The following CORO2B variants were observed in gnomAD, a reference collection of about 807,000 sequenced individuals.
The protein encoded by CORO2B is coronin 2B.
In CORO2B, 26 loss-of-function variants were observed where a neutral mutation model predicts 58.8. The ratio of observed to expected loss-of-function variants is 0.44; its 90% CI spans 0.32 to 0.61. CORO2B has a LOEUF of 0.61. Among genes scored for constraint, CORO2B ranks in the 20% least tolerant of loss-of-function variants. The probability of loss-of-function intolerance (pLI) is 0.04; values close to 1 mark genes in which losing one functional copy is unlikely to be tolerated. For missense variants in CORO2B, 460 were observed against 645.1 expected (o/e 0.71, Z 3.11); for synonymous variants, 242 against 253.8 (o/e 0.95, Z 0.44).
chr15:68,701,517 G>A (rs1230236886), intron 3 of CORO2B, among the ~76,000 whole-genome samples: 2 of 94,786 alleles, frequency 2.1e-5, no homozygotes, highest in Non-Finnish European at 3.9e-5. Context: ...ACGGAGTTTC[G>A]CTCTGTCGCC....
At chr15:68,657,995 C>T (rs955019273) in intron 2 of CORO2B, among the ~76,000 whole-genome samples, 1 of 152,226 alleles carries the variant, frequency 6.6e-6, no homozygotes, top group Non-Finnish European at 1.5e-5. Context: ...TAGACCTGAG[C>T]ACCCTTCACT....
chr15:68,605,814 T>C (rs1900104519), intron 1 of CORO2B, among the ~76,000 whole-genome samples: 1 of 135,484 alleles, frequency 7.4e-6, no homozygotes, highest in African/African-American at 2.8e-5. Flanking sequence ...AACCTCCACC[T>C]CCCGGGTTCA....
At position 68,670,068 on chromosome 15, in the gene CORO2B, A is replaced by AG. The variant is rs1555415252; in HGVS notation, c.216+24715dup. ...CAAGACTCTGTCTCAGAAAAAAAAA[A>AG]GGGGGGGAAAAATAAAGAAAAATTT... On this transcript the variant is annotated intron_variant, in intron 2 of 11. Coordinates refer to ENST00000261861, the MANE Select transcript of CORO2B (RefSeq NM_006091.5). 2.9e-3 allele frequency among the ~76,000 whole-genome samples: 430 copies of AG among 146,758 alleles called. 1 individual carries two copies. Among genetic ancestry groups the AG allele is most frequent in the Middle Eastern group, 0.022 (6 of 278 alleles).
chr15:68,536,259 G>T, the CORO2B span, among the ~76,000 whole-genome samples: 1 of 152,170 alleles, frequency 6.6e-6, no homozygotes. Flanking sequence ...TAGGAATCTT[G>T]CATGAGTTTG....
the CORO2B span, among the ~76,000 whole-genome samples, chr15:68,573,801 C>A: frequency 6.6e-6 from 1 of 152,186 alleles, no homozygotes; most frequent in Non-Finnish European, 1.5e-5. Flanking sequence ...AATACACAAA[C>A]AGAAAATGTT....
upstream of CORO2B, among the ~76,000 whole-genome samples, chr15:68,576,152 CAAAAAAA>C (rs3985627): frequency 3.2e-5 from 2 of 62,190 alleles, no homozygotes; most frequent in African/African-American, 6.4e-5. Context: ...GACTACGTCG[CAAAAAAA>C]AAAAAAAAAA....
chr15:68,661,046 C>T (rs1041072304), intron 2 of CORO2B, among the ~76,000 whole-genome samples: 1 of 150,570 alleles, frequency 6.6e-6, no homozygotes, highest in African/African-American at 2.4e-5. Flanking sequence ...GGAGTGATGT[C>T]AGCTCACTGC....
the CORO2B span, among the ~76,000 whole-genome samples, chr15:68,538,756 C>T: frequency 1.5e-5 from 1 of 67,598 alleles, no homozygotes. Context: ...CCAACCTCCC[C>T]AGACCTACTG....
chr15:68,548,278 A>C, the CORO2B span, among the ~76,000 whole-genome samples: 5 of 152,108 alleles, frequency 3.3e-5, no homozygotes, highest in African/African-American at 1.2e-4. Context: ...TATTTTATAG[A>C]ATAAGAATAC....
At chr15:68,616,371 AT>A (rs754132983) in intron 1 of CORO2B, among the ~76,000 whole-genome samples, 9 of 152,298 alleles carry the variant, frequency 5.9e-5, no homozygotes, top group Non-Finnish European at 8.8e-5. Flanking sequence ...AGTATTTAGC[AT>A]TATTTTTAGT....
intron 1 of CORO2B, among the ~76,000 whole-genome samples, chr15:68,592,139 A>T (rs903854440): frequency 6.6e-6 from 1 of 151,650 alleles, no homozygotes; most frequent in Non-Finnish European, 1.5e-5. Flanking sequence ...CCAACCACAC[A>T]TCCACTCCAG....
intron 2 of CORO2B, among the ~76,000 whole-genome samples, chr15:68,678,433 G>A (rs2087707): frequency 0.58 from 87,534 of 152,018 alleles, 27,783 homozygotes; most frequent in East Asian, 0.86. Context: ...CAACACTTTG[G>A]GAGGCCGACT....
chr15:68,644,971 C>T (rs571944744), intron 1 of CORO2B, among the ~76,000 whole-genome samples, 189 bp from the exon 2 acceptor site: 18 of 152,310 alleles, frequency 1.2e-4, no homozygotes, highest in Middle Eastern at 6.8e-3. Context: ...CCCACTAGAA[C>T]GGGCTGGGCA....
intron 1 of CORO2B, among the ~76,000 whole-genome samples, chr15:68,581,760 G>A (rs1435761520): frequency 6.6e-6 from 1 of 152,172 alleles, no homozygotes; most frequent in Non-Finnish European, 1.5e-5. Flanking sequence ...TGAGAGGTAG[G>A]ATCGCTGCTG....
chr15:68,695,105 A>C (rs1207135669), intron 2 of CORO2B, 35 bp from the exon 3 acceptor site: 5 of 1,528,234 alleles, frequency 3.3e-6, no homozygotes, highest in South Asian at 1.1e-5. Context: ...CATCAAACTA[A>C]TCTCCTTCTC....
chr15:68,636,789 T>G (rs1901045872), intron 1 of CORO2B, among the ~76,000 whole-genome samples: 1 of 152,202 alleles, frequency 6.6e-6, no homozygotes, highest in African/African-American at 2.4e-5. Flanking sequence ...GGACTTTTAG[T>G]AGCTAACTGA....
intron 3 of CORO2B, among the ~76,000 whole-genome samples, chr15:68,697,010 C>A (rs74020278): frequency 0.026 from 3,944 of 152,302 alleles, 172 homozygotes; most frequent in African/African-American, 0.087. Flanking sequence ...GGAGCAGAGA[C>A]CACAGCCTAT....
Position 68,668,067 on chromosome 15 carries a change from A to G in CORO2B, c.216+22707A>G, listed in dbSNP as rs371681508. ...CTCTTGAGACGCCTGGTGCCACTGA[A>G]TACTCAGCAACCTTGCAGATGAGGA... On this transcript the variant is annotated intron_variant, in intron 2 of 11. Transcript: ENST00000261861. Among the ~76,000 whole-genome samples, 44 of 152,346 alleles carry G rather than the reference A, an allele frequency of 2.9e-4. 1 individual carries two copies. Among genetic ancestry groups the G allele is most frequent in the Admixed American group, 1.0e-3 (16 of 15,306 alleles).
intron 1 of CORO2B, among the ~76,000 whole-genome samples, chr15:68,604,553 G>A (rs1251502060): frequency 6.6e-6 from 1 of 151,348 alleles, no homozygotes; most frequent in Admixed American, 6.6e-5. Context: ...GCTAGAATAT[G>A]TGTGTGTCCT....
Sources: allele counts gnomAD v4.1 joint callset (sites outside exome capture counted in the v4.1 genomes callset), GRCh38; gene constraint gnomAD v4.1.1; transcripts MANE v1.5; gene names NCBI Gene and HGNC (gene_info 2026-07-23, HGNC 2026-07-21).